DRC7: variants seen among roughly 807,000 people sequenced by gnomAD.
The protein encoded by DRC7 is dynein regulatory complex subunit 7, also known as coiled-coil domain containing 135.
In DRC7, 80 loss-of-function variants were observed where a neutral mutation model predicts 104.4. The observed-to-expected ratio is 0.77, with a 90% CI of 0.64 to 0.92. The LOEUF is 0.92. Ranked by LOEUF, DRC7 falls within the 40% of genes least tolerant of loss-of-function variation. The pLI, the probability that DRC7 is intolerant of heterozygous loss-of-function variation, is 0.00. For synonymous variants in DRC7, 405 were observed against 447.3 expected, an observed-to-expected ratio of 0.91 and a Z score of 1.19; for missense variants, 1,034 against 1,141.1, an observed-to-expected ratio of 0.91 and a Z score of 1.35.
intron 7 of DRC7, among the ~76,000 whole-genome samples, chr16:57,706,872 C>G (rs1303776627): frequency 2.0e-5 from 3 of 151,678 alleles, no homozygotes; most frequent in Admixed American, 2.0e-4. Flanking sequence ...ATCCTCCCCT[C>G]TCTCCTCCCA....
At chr16:57,721,646 C>A (rs944041661) in intron 9 of DRC7, 21 bp from the exon 10 acceptor site, 8 of 1,599,098 alleles carry the variant, frequency 5.0e-6, no homozygotes, top group Admixed American at 1.7e-5. Flanking sequence ...CCACCTCCCC[C>A]ACCCCCTTCT....
intron 13 of DRC7, 67 bp from the exon 14 acceptor site, chr16:57,726,001 G>A: frequency 7.2e-7 from 1 of 1,381,896 alleles, no homozygotes; most frequent in Non-Finnish European, 1.0e-6. Context: ...CTGCCTGCGG[G>A]CATGCACAGA....
At chr16:57,706,007 A>AACTAT (rs1214420139) in intron 7 of DRC7, among the ~76,000 whole-genome samples, 1 of 45,868 alleles carries the variant, frequency 2.2e-5, no homozygotes, top group Admixed American at 2.0e-4. Flanking sequence ...CCATCCTCCC[A>AACTAT]CCATCCTCCC....
intron 8 of DRC7, chr16:57,714,989 G>A: frequency 3.3e-6 from 1 of 301,128 alleles, no homozygotes; most frequent in Non-Finnish European, 6.5e-6. Flanking sequence ...CATTTCTATA[G>A]TCCCAGATGC....
intron 8 of DRC7, among the ~76,000 whole-genome samples, chr16:57,715,427 C>T (rs532177350): frequency 6.6e-6 from 1 of 152,232 alleles, no homozygotes; most frequent in African/African-American, 2.4e-5. Context: ...GACTGCCAGC[C>T]CCTGCGGGAG....
At chr16:57,715,775 G>A (rs541568285) in intron 8 of DRC7, among the ~76,000 whole-genome samples, 5 of 152,264 alleles carry the variant, frequency 3.3e-5, no homozygotes, top group African/African-American at 9.6e-5. Flanking sequence ...CATGGTGGTC[G>A]GTGTCCTCTG....
At chr16:57,718,697 G>A (rs754372119) in intron 9 of DRC7, among the ~76,000 whole-genome samples, 3 of 152,208 alleles carry the variant, frequency 2.0e-5, no homozygotes, top group South Asian at 2.1e-4. Context: ...AGTGGGTTAC[G>A]GAAGGGACAG....
chr16:57,731,657 G>T lies in DRC7; in HGVS notation c.*399G>T. 1 of 198,788 alleles carries T rather than the reference G, an allele frequency of 5.0e-6. No individual in the cohort carries two copies. Among genetic ancestry groups the T allele is most frequent in the South Asian group, 9.4e-5 (1 of 10,660 alleles). 12.3% of individuals were successfully genotyped at this position (198,788 alleles called of 1,614,324 possible). Reference sequence around the variant, plus strand: ...ACTGGTTATATCTCAATGTGACTAGGGTGGCCCACCTCACCAAGTGGGATG... The same window carrying T: ...ACTGGTTATATCTCAATGTGACTAGTGTGGCCCACCTCACCAAGTGGGATG... On this transcript the variant is annotated 3_prime_UTR_variant, in exon 19 of 19. Transcript: ENST00000360716.
intron 16 of DRC7, among the ~76,000 whole-genome samples, 166 bp from the exon 17 acceptor site, chr16:57,728,224 G>T (rs751813514): frequency 6.6e-6 from 1 of 152,206 alleles, no homozygotes; most frequent in Non-Finnish European, 1.5e-5. Context: ...GTAAACACAG[G>T]TCCAGAGACC....
chr16:57,729,918 A>G (rs1597816671), intron 17 of DRC7, among the ~76,000 whole-genome samples: 1 of 66,686 alleles, frequency 1.5e-5, no homozygotes, highest in African/African-American at 5.9e-5. Flanking sequence ...AGGTGGGTGG[A>G]TGGATGAGTG....
chr16:57,727,048 C>T (rs184066506), intron 15 of DRC7, 106 bp downstream of exon 15: 123 of 749,986 alleles, frequency 1.6e-4, no homozygotes, highest in Admixed American at 1.1e-3. Flanking sequence ...TATGGCTCTA[C>T]ATCCCGGGCT....
chr16:57,700,768 A>G (rs2048649580), intron 5 of DRC7, among the ~76,000 whole-genome samples: 1 of 151,970 alleles, frequency 6.6e-6, no homozygotes, highest in African/African-American at 2.4e-5. Context: ...CACACCCAGC[A>G]TAGTTTTAAC....
At chr16:57,722,675 A>C (rs200645588) in intron 10 of DRC7, 38 bp from the exon 11 acceptor site, 3 of 1,610,284 alleles carry the variant, frequency 1.9e-6, no homozygotes, top group South Asian at 2.2e-5. Context: ...CCTTCCCCCA[A>C]ACTAGCAAGA....
chr16:57,705,368 T>C (rs1303846154), intron 7 of DRC7, among the ~76,000 whole-genome samples: 1 of 150,988 alleles, frequency 6.6e-6, no homozygotes, highest in African/African-American at 2.4e-5. Flanking sequence ...TCTCCTCCCA[T>C]CCATCCTCCC....
chr16:57,705,805 T>TCCATCCATCCTCCCA (rs1555573012), intron 7 of DRC7, among the ~76,000 whole-genome samples: 29 of 64,734 alleles, frequency 4.5e-4, no homozygotes, highest in African/African-American at 6.6e-4. Flanking sequence ...CATCCTCCCA[T>TCCATCCATCCTCCCA]TTCTCCTCCC....
At chr16:57,714,342 G>A in intron 8 of DRC7, 1 of 159,020 alleles carries the variant, frequency 6.3e-6, no homozygotes. Flanking sequence ...GCACTCTGGT[G>A]GGGCATGGCG....
intron 14 of DRC7, 129 bp downstream of exon 14, chr16:57,726,412 C>T (rs1171978026): frequency 1.3e-6 from 1 of 796,442 alleles, no homozygotes; most frequent in African/African-American, 1.7e-5. Flanking sequence ...CATCTTTGCT[C>T]TTTGGGAAAA....
chr16:57,722,984 T>G lies in DRC7; in HGVS notation c.1409-18T>G. ...GGGGAGCTGGCCTGGCTGCGGCAAG[T>G]GTCCATCGGCCCCACAGGTACCAAT... On this transcript the variant is annotated intron_variant, in intron 11 of 18. Transcript: ENST00000360716. The G allele has an allele frequency of 1.9e-6, 3 of 1,613,632 alleles. No homozygotes were observed. Among genetic ancestry groups the G allele is most frequent in the Non-Finnish European group, 2.5e-6 (3 of 1,179,944 alleles).
chr16:57,726,376 C>A, intron 14 of DRC7, 93 bp downstream of exon 14: 1 of 1,071,344 alleles, frequency 9.3e-7, no homozygotes, highest in Non-Finnish European at 1.4e-6. Flanking sequence ...CCAGGATGGG[C>A]GCTGGTGAAT....
Sources: allele counts gnomAD v4.1 joint callset (sites outside exome capture counted in the v4.1 genomes callset), GRCh38; gene constraint gnomAD v4.1.1; transcripts MANE v1.5; gene names NCBI Gene and HGNC (gene_info 2026-07-23, HGNC 2026-07-21).